CNTN3: variants seen among roughly 807,000 people sequenced by gnomAD.
CNTN3 encodes contactin 3, also known as contactin-3.
In CNTN3, 60 loss-of-function variants were observed where a neutral mutation model predicts 119.1. The observed-to-expected ratio is 0.50, with a 90% CI of 0.41 to 0.62. CNTN3 has a LOEUF of 0.62. Among genes scored for constraint, CNTN3 ranks in the 20% least tolerant of loss-of-function variants. The pLI, the probability that CNTN3 is intolerant of heterozygous loss-of-function variation, is 0.00. For synonymous variants in CNTN3, 450 were observed against 438.7 expected (o/e 1.03, Z -0.32); for missense variants, 1,101 against 1,242.4 (o/e 0.89, Z 1.71).
At chr3:74,451,766 T>C (rs1266678036) in intron 4 of CNTN3, among the ~76,000 whole-genome samples, 1 of 151,104 alleles carries the variant, frequency 6.6e-6, no homozygotes, top group Non-Finnish European at 1.5e-5. Context: ...ATTTATTAAA[T>C]AGGGAATCCT....
intron 1 of CNTN3, among the ~76,000 whole-genome samples, chr3:74,595,100 G>A (rs569439810): frequency 6.6e-6 from 1 of 152,036 alleles, no homozygotes; most frequent in East Asian, 1.9e-4. Context: ...GTCTTCTTTT[G>A]AGAAGTGTCT....
At chr3:74,346,162 A>G (rs1703682791) in intron 11 of CNTN3, among the ~76,000 whole-genome samples, 1 of 152,212 alleles carries the variant, frequency 6.6e-6, no homozygotes, top group Non-Finnish European at 1.5e-5. Flanking sequence ...ACAATAAAGT[A>G]TAAGTTTATA....
chr3:74,503,884 T>C (rs1703207160), intron 2 of CNTN3, among the ~76,000 whole-genome samples: 1 of 152,044 alleles, frequency 6.6e-6, no homozygotes, highest in Non-Finnish European at 1.5e-5. Context: ...AGTCCAAAAA[T>C]CCAATCCTAA....
chr3:74,365,495 G>T (rs1022099655), intron 9 of CNTN3, 71 bp downstream of exon 9: 51 of 1,589,210 alleles, frequency 3.2e-5, no homozygotes, highest in Non-Finnish European at 4.2e-5. Context: ...GAAAGCATTT[G>T]CTAAACACCA....
In CNTN3 at chr3:74,418,796, C is replaced by CT. The variant is rs914388844; in HGVS notation, c.454+6048dup. 3.2e-3 allele frequency among the ~76,000 whole-genome samples: 478 copies of CT among 147,406 alleles called. 3 individuals are homozygous for CT. The highest frequency in any genetic ancestry group is 0.011 in the African/African-American group (457 of 40,066). The stretch of plus-strand genomic sequence containing the variant: ...TTATTTTATTTTAAATTTTTTTTAT[C>CT]TTTTTTTTTGGAGACAGAATCTCAC... On this transcript the variant is annotated intron_variant, in intron 5 of 22. Coordinates refer to ENST00000263665, the MANE Select transcript of CNTN3 (RefSeq NM_020872.3).
intron 4 of CNTN3, among the ~76,000 whole-genome samples, chr3:74,484,305 C>A (rs1227016376): frequency 6.6e-6 from 1 of 151,968 alleles, no homozygotes; most frequent in Admixed American, 6.6e-5. Flanking sequence ...GGAAACCCTG[C>A]CTCTAAGATC....
rs1056704502 is a variant in CNTN3, at chr3:74,568,717, T to C, written c.-81+45674A>G. 4.6e-5 allele frequency among the ~76,000 whole-genome samples: 7 copies of C among 152,220 alleles called. No individual in the cohort carries two copies. The East Asian group carries it at 1.3e-3, about 29-fold the overall frequency. On this transcript the variant is annotated intron_variant, in intron 1 of 22. Transcript: ENST00000263665. ...AAAACTAAAGTTCTGTTCTCCAACC[T>C]GGCTTCTACCAGTAATACATAGGTG...
intron 4 of CNTN3, among the ~76,000 whole-genome samples, chr3:74,426,567 T>C (rs549507595): frequency 1.0e-3 from 155 of 152,274 alleles, no homozygotes; most frequent in African/African-American, 3.1e-3. Context: ...AAAAATAGTA[T>C]TAAATTGCTA....
At chr3:74,424,805 C>A in intron 5 of CNTN3, 40 bp downstream of exon 5, 1 of 1,554,402 alleles carries the variant, frequency 6.4e-7, no homozygotes, top group South Asian at 1.1e-5. Context: ...TTGCCCTGAA[C>A]CTTAATAAAT....
At chr3:74,461,192 A>G (rs1175526623) in intron 4 of CNTN3, among the ~76,000 whole-genome samples, 2 of 152,016 alleles carry the variant, frequency 1.3e-5, no homozygotes, top group South Asian at 2.1e-4. Flanking sequence ...TTCTTGGGAT[A>G]AACCCTATTT....
chr3:74,403,269 G>A (rs1008785823), intron 5 of CNTN3, among the ~76,000 whole-genome samples: 3 of 152,152 alleles, frequency 2.0e-5, no homozygotes, highest in Non-Finnish European at 4.4e-5. Flanking sequence ...GCAATATTTT[G>A]TTAAGAGGAA....
intron 4 of CNTN3, among the ~76,000 whole-genome samples, chr3:74,468,060 T>C (rs929571004): frequency 1.3e-5 from 2 of 152,194 alleles, no homozygotes; most frequent in African/African-American, 4.8e-5. Flanking sequence ...TGTCTCCAGC[T>C]TTGGGAAATA....
intron 5 of CNTN3, among the ~76,000 whole-genome samples, chr3:74,381,078 T>C (rs1704610265): frequency 6.6e-6 from 1 of 150,564 alleles, no homozygotes; most frequent in Non-Finnish European, 1.5e-5. Flanking sequence ...TCTCTCTCTC[T>C]CTCTCTCTCA....
At chr3:74,482,373 A>T (rs1559625304) in intron 4 of CNTN3, among the ~76,000 whole-genome samples, 1 of 152,042 alleles carries the variant, frequency 6.6e-6, no homozygotes, top group South Asian at 2.1e-4. Flanking sequence ...TCCCAGTAAA[A>T]CTAAGAAGGG....
intron 13 of CNTN3, among the ~76,000 whole-genome samples, chr3:74,314,276 T>G (rs772290692): frequency 6.6e-6 from 1 of 152,054 alleles, no homozygotes; most frequent in African/African-American, 2.4e-5. Flanking sequence ...AATAGAAAAC[T>G]GTAAGAAATA....
In CNTN3 at chr3:74,278,034, AAC is replaced by A. The variant is rs201927530; in HGVS notation, c.2704+7269_2704+7270del. Among the ~76,000 whole-genome samples, 405 of 129,390 alleles carry A rather than the reference AAC, an allele frequency of 3.1e-3. 2 individuals carry two copies. Among genetic ancestry groups the A allele is most frequent in the East Asian group, 0.019 (63 of 3,258 alleles). The allele number at this position is 129,390 out of a possible 152,430, so 84.9% of individuals were successfully genotyped here. On this transcript the variant is annotated intron_variant, in intron 20 of 22. Coordinates refer to ENST00000263665, the MANE Select transcript of CNTN3 (RefSeq NM_020872.3). ...TTTACAATAGCTGCCAAAAAAAAAA[AAC>A]CACTTATGAATATACCTAACCAGGA...
At chr3:74,525,809 T>A (rs1433664310) in intron 1 of CNTN3, among the ~76,000 whole-genome samples, 1 of 151,862 alleles carries the variant, frequency 6.6e-6, no homozygotes, top group Non-Finnish European at 1.5e-5. Context: ...AAACCAAAAA[T>A]GCTCTAAATA....
At chr3:74,422,549 C>T (rs1430330423) in intron 5 of CNTN3, among the ~76,000 whole-genome samples, 1 of 152,170 alleles carries the variant, frequency 6.6e-6, no homozygotes, top group African/African-American at 2.4e-5. Context: ...TCTTTTGGGA[C>T]ATGTTTCCTC....
chr3:74,614,326 T>C (rs1373082253), intron 1 of CNTN3, among the ~76,000 whole-genome samples, 65 bp downstream of exon 1: 1 of 152,038 alleles, frequency 6.6e-6, no homozygotes, highest in Non-Finnish European at 1.5e-5. Flanking sequence ...GCGTAAAGTT[T>C]GCCCTGGCAG....
Sources: gnomAD v4.1 joint callset for allele counts (sites outside exome capture counted in the v4.1 genomes callset) on GRCh38, gnomAD v4.1.1 for gene constraint, MANE v1.5 for transcripts, NCBI Gene and HGNC (gene_info 2026-07-23, HGNC 2026-07-21) for gene names.